SSBP3: variants seen among roughly 807,000 people sequenced by gnomAD.
SSBP3 encodes the protein single stranded DNA binding protein 3.
In SSBP3, 5 loss-of-function variants were observed where a neutral mutation model predicts 69.6. That is an observed-to-expected ratio of 0.07 (90% CI 0.04 to 0.15). The LOEUF is 0.15. SSBP3 is among the 10% of genes least tolerant of loss of function. SSBP3 has a pLI of 1.00. For synonymous variants in SSBP3, 196 were observed against 193.4 expected (o/e 1.01, Z -0.11); for missense variants, 312 against 534.0 (o/e 0.58, Z 4.10).
chr1:54,229,248 T>TGAGGAAACAGAAGCAGTGA (rs1286536754), intron 14 of SSBP3, among the ~76,000 whole-genome samples: 41 of 152,110 alleles, frequency 2.7e-4, no homozygotes, highest in Non-Finnish European at 2.6e-4. Context: ...ACTTCACAGG[T>TGAGGAAACAGAAGCAGTGA]GAGGAAACAG....
intron 7 of SSBP3, among the ~76,000 whole-genome samples, chr1:54,256,656 G>C (rs1191944026): frequency 6.6e-6 from 1 of 152,176 alleles, no homozygotes; most frequent in Non-Finnish European, 1.5e-5. Context: ...CCAGGCTCCT[G>C]ATCTAAGCAT....
At chr1:54,319,685 C>G (rs545290571) in intron 4 of SSBP3, among the ~76,000 whole-genome samples, 37 of 152,074 alleles carry the variant, frequency 2.4e-4, no homozygotes, top group Non-Finnish European at 3.8e-4. Flanking sequence ...TGGCGCGAGC[C>G]TTCCAAGGGG....
At chr1:54,396,814 C>T (rs1437624734) in intron 4 of SSBP3, among the ~76,000 whole-genome samples, 1 of 152,204 alleles carries the variant, frequency 6.6e-6, no homozygotes, top group Non-Finnish European at 1.5e-5. Context: ...CTCCCCCCGC[C>T]CCACCTCCCG....
intron 14 of SSBP3, among the ~76,000 whole-genome samples, chr1:54,235,256 C>G (rs1166721441): frequency 6.6e-6 from 1 of 150,758 alleles, no homozygotes; most frequent in Non-Finnish European, 1.5e-5. Context: ...ATGGGCTATC[C>G]CTGTCTAAGA....
intron 5 of SSBP3, among the ~76,000 whole-genome samples, chr1:54,276,181 G>C (rs967001299): frequency 1.3e-5 from 2 of 152,194 alleles, no homozygotes; most frequent in Admixed American, 6.5e-5. Flanking sequence ...CAAGTATCTA[G>C]ATGTTCAAAG....
chr1:54,250,101 C>A (rs892008823), intron 9 of SSBP3, among the ~76,000 whole-genome samples: 38 of 152,212 alleles, frequency 2.5e-4, no homozygotes, highest in Non-Finnish European at 8.8e-5. Context: ...CCCCTTGCCC[C>A]CTTCCCTAGG....
At chr1:54,369,222 G>GGGGC (rs1647082079) in intron 4 of SSBP3, among the ~76,000 whole-genome samples, 1 of 150,892 alleles carries the variant, frequency 6.6e-6, no homozygotes, top group African/African-American at 2.4e-5. Context: ...TTGAGTCGGG[G>GGGGC]GGGGGGCCCA....
At chr1:54,374,732 C>T (rs954487282) in intron 4 of SSBP3, among the ~76,000 whole-genome samples, 1 of 152,208 alleles carries the variant, frequency 6.6e-6, no homozygotes, top group African/African-American at 2.4e-5. Flanking sequence ...ACACACAACC[C>T]TGACCCCAAG....
In SSBP3 at chr1:54,250,598, A is replaced by G. The variant is rs560794221; in HGVS notation, c.651+1018T>C. Among the ~76,000 whole-genome samples the G allele has an allele frequency of 4.6e-5, 7 of 152,282 alleles. No homozygotes were observed. In the South Asian group the frequency reaches 1.4e-3, roughly 32 times the overall value. ...CCAGAAACCAGTGCAGGGGGCCCAG[A>G]GCCTGAACACCTGCACGCAACCAAG... On this transcript the variant is annotated intron_variant, in intron 9 of 17. Coordinates refer to ENST00000610401, the Ensembl canonical transcript of SSBP3.
chr1:54,249,212 A>G (rs1430315683), intron 9 of SSBP3, among the ~76,000 whole-genome samples: 2 of 152,240 alleles, frequency 1.3e-5, no homozygotes, highest in African/African-American at 4.8e-5. Context: ...CCCAGCCTTT[A>G]GAATCTCAGT....
intron 5 of SSBP3, among the ~76,000 whole-genome samples, chr1:54,277,639 A>G (rs947804440): frequency 1.3e-5 from 2 of 152,242 alleles, no homozygotes; most frequent in Admixed American, 1.3e-4. Flanking sequence ...TAAAAACACT[A>G]TGTAACTGAA....
At chr1:54,395,151 G>A (rs1648776231) in intron 4 of SSBP3, among the ~76,000 whole-genome samples, 1 of 152,050 alleles carries the variant, frequency 6.6e-6, no homozygotes, top group African/African-American at 2.4e-5. Flanking sequence ...AGAGAACAGT[G>A]CAAGACTCCT....
chr1:54,236,982 G>A (rs1644505802), intron 14 of SSBP3: 1 of 152,210 alleles, frequency 6.6e-6, no homozygotes, highest in Non-Finnish European at 1.5e-5. Context: ...ACTGTGTACT[G>A]TCTGCCAAAT....
At chr1:54,250,370 G>A (rs1440022871) in intron 9 of SSBP3, among the ~76,000 whole-genome samples, 1 of 151,694 alleles carries the variant, frequency 6.6e-6, no homozygotes, top group African/African-American at 2.4e-5. Context: ...GCTTGGGCTT[G>A]CTGTAAATAC....
chr1:54,299,482 G>A (rs573673237), intron 4 of SSBP3, among the ~76,000 whole-genome samples: 1 of 145,450 alleles, frequency 6.9e-6, no homozygotes, highest in Non-Finnish European at 1.5e-5. Flanking sequence ...CCACGCTGTC[G>A]ATAATTTGGA....
chr1:54,247,073 C>T (rs1270355622), intron 9 of SSBP3, among the ~76,000 whole-genome samples: 1 of 152,230 alleles, frequency 6.6e-6, no homozygotes, highest in Non-Finnish European at 1.5e-5. Flanking sequence ...TGGCCACATT[C>T]ACAGGGGCCA....
intron 4 of SSBP3, among the ~76,000 whole-genome samples, chr1:54,363,880 C>A (rs1231467738): frequency 2.0e-5 from 3 of 152,196 alleles, no homozygotes; most frequent in African/African-American, 7.2e-5. Context: ...GCTAGGCACA[C>A]CTGGCTCCCT....
chr1:54,244,799 C>G (rs1336806321), intron 9 of SSBP3, among the ~76,000 whole-genome samples: 6 of 152,128 alleles, frequency 3.9e-5, no homozygotes, highest in African/African-American at 1.4e-4. Flanking sequence ...AGCAGCTCCT[C>G]TAGGAAGCCC....
At chr1:54,315,355 T>C (rs1416963228) in intron 4 of SSBP3, among the ~76,000 whole-genome samples, 7 of 152,126 alleles carry the variant, frequency 4.6e-5, no homozygotes, top group African/African-American at 1.7e-4. Flanking sequence ...TGCAAGTCCC[T>C]GGCAGTCAAG....
Sources: gnomAD v4.1 joint callset for allele counts (sites outside exome capture counted in the v4.1 genomes callset) on GRCh38, gnomAD v4.1.1 for gene constraint, MANE v1.5 for transcripts, NCBI Gene and HGNC (gene_info 2026-07-23, HGNC 2026-07-21) for gene names.